Variants in MECR observed in about 807,000 individuals in gnomAD.
The protein encoded by MECR is mitochondrial trans-2-enoyl-CoA reductase.
In MECR, 37 loss-of-function variants were observed where a neutral mutation model predicts 49.1. The ratio of observed to expected loss-of-function variants is 0.75; its 90% CI spans 0.58 to 0.99. The LOEUF is 0.99. Among genes scored for constraint, MECR ranks in the 50% least tolerant of loss-of-function variants. MECR has a pLI of 0.00. For missense variants in MECR, 470 were observed against 479.6 expected (o/e 0.98, Z 0.19); for synonymous variants, 198 against 191.1 (o/e 1.04, Z -0.30).
the MECR span, among the ~76,000 whole-genome samples, chr1:29,182,683 A>G: frequency 6.6e-6 from 1 of 152,132 alleles, no homozygotes; most frequent in Non-Finnish European, 1.5e-5. Context: ...AGCTGGGACT[A>G]CAGGCGCCCG....
Position 29,216,049 on chromosome 1 carries a change from C to T in MECR, c.362G>A (p.Gly121Glu). 1.9e-6 allele frequency: 3 copies of T among 1,614,060 alleles called. No homozygotes were observed. The highest frequency in any genetic ancestry group is 1.1e-5 in the South Asian group (1 of 91,072). ...AATCACCCAGTCTCCTGGCTTCAGCCCGGTCACATTGCTGCCCACCGCTAC... is the reference window on the plus strand; with the variant it reads ...AATCACCCAGTCTCCTGGCTTCAGCTCGGTCACATTGCTGCCCACCGCTAC... ...QVVAVGSNVT[G>E]LKPGDWVIPA... The change falls in exon 3 of 10, where the codon GGG becomes GAG. Residue 121 changes from glycine (G) to glutamate (E), a missense_variant. Transcript: ENST00000263702.
Position 29,201,576 on chromosome 1 carries a change from G to T in MECR, c.756+367C>A, listed in dbSNP as rs771373685. 2.2e-6 allele frequency: 1 copy of T among 461,696 alleles called. No individual in the cohort carries two copies. Among genetic ancestry groups the T allele is most frequent in the Non-Finnish European group, 4.3e-6 (1 of 233,338 alleles). The allele number at this position is 461,696 out of a possible 1,614,324, so 28.6% of individuals were successfully genotyped here. ...TTTTGTGGAAATCATCAGATAAAAT[G>T]TAAGGCAGGTGGTTGGGAAAGGTTA... On this transcript the variant is annotated intron_variant, in intron 6 of 9. Coordinates refer to ENST00000263702, the MANE Select transcript of MECR (RefSeq NM_016011.5). This position sits in a 1 kb window ranked among gnomAD's most constrained non-coding sequence, Gnocchi z 4.3.
At chr1:29,191,239 C>T (rs924512475), downstream of MECR, among the ~76,000 whole-genome samples, 1 of 152,174 alleles carries the variant, frequency 6.6e-6, no homozygotes, top group African/African-American at 2.4e-5. Flanking sequence ...CAGGGGCCTG[C>T]TCCTTCACCA....
At chr1:29,189,554 G>C (rs1673084383), downstream of MECR, among the ~76,000 whole-genome samples, 1 of 152,230 alleles carries the variant, frequency 6.6e-6, no homozygotes, top group East Asian at 1.9e-4. Context: ...GTAAAGTAGA[G>C]AAGAGAGGAT....
rs71642262 is a variant in MECR, at chr1:29,193,613, C to T, written c.*409G>A. The stretch of plus-strand genomic sequence containing the variant: ...CAAAGCGTTTGTTCTACAGGACCCT[C>T]GTCTGTGGGCTTGTGCAGCTTGGGG... On this transcript the variant is annotated 3_prime_UTR_variant, in exon 10 of 10. Transcript: ENST00000263702. 764 of 183,314 alleles carry T rather than the reference C, an allele frequency of 4.2e-3. 2 individuals are homozygous for T. Among genetic ancestry groups the T allele is most frequent in the Non-Finnish European group, 6.2e-3 (536 of 86,116 alleles). 11.4% of individuals were successfully genotyped at this position (183,314 alleles called of 1,614,324 possible). A position where few individuals can be genotyped will look rare whatever the true frequency, so the allele number is the denominator to read the frequency against.
intron 1 of MECR, chr1:29,221,331 A>G (rs530849867): frequency 2.6e-5 from 4 of 152,432 alleles, no homozygotes; most frequent in African/African-American, 9.6e-5. Flanking sequence ...GACAGTGTCT[A>G]GCCTGGTGGG....
chr1:29,204,588 A>G (rs1027837944), intron 4 of MECR, among the ~76,000 whole-genome samples: 1 of 152,218 alleles, frequency 6.6e-6, no homozygotes, highest in Non-Finnish European at 1.5e-5. Flanking sequence ...ATCACAATAT[A>G]AAATGTAATT....
At chr1:29,178,106 G>T in the MECR span, among the ~76,000 whole-genome samples, 1 of 151,678 alleles carries the variant, frequency 6.6e-6, no homozygotes, top group East Asian at 2.0e-4. Context: ...CACCATGTTG[G>T]CCAGGCTGGT....
chr1:29,182,478 C>A, the MECR span, among the ~76,000 whole-genome samples: 86 of 151,974 alleles, frequency 5.7e-4, 1 homozygote, highest in African/African-American at 2.0e-3. Context: ...GTGTGAGAAG[C>A]GGAGAAGGCT....
At chr1:29,205,330 G>A (rs926349253) in intron 4 of MECR, among the ~76,000 whole-genome samples, 4 of 151,982 alleles carry the variant, frequency 2.6e-5, no homozygotes, top group Admixed American at 6.5e-5. Flanking sequence ...GGTCACAGGC[G>A]CTGCCACCAC....
intron 9 of MECR, among the ~76,000 whole-genome samples, chr1:29,195,433 T>C (rs995104370): frequency 1.3e-5 from 2 of 152,182 alleles, no homozygotes; most frequent in Admixed American, 6.5e-5. Context: ...AGGGAGATGA[T>C]CTGTTTACAT....
Position 29,201,224 on chromosome 1 carries a change from G to GC in MECR, c.757-636dup. On this transcript the variant is annotated intron_variant, in intron 6 of 9. Coordinates refer to ENST00000263702, the MANE Select transcript of MECR (RefSeq NM_016011.5). The surrounding 1 kb of genome is among the most constrained non-coding windows in gnomAD (Gnocchi z 4.3). ...TTTGGTGGGTTTCAGCTCCCTGTGT[G>GC]CCCCCCTTTTCAGTTCTTTGACTCA... 1 of 343,668 alleles carries GC rather than the reference G, an allele frequency of 2.9e-6. No individual in the cohort carries two copies. Among genetic ancestry groups the GC allele is most frequent in the Non-Finnish European group, 5.9e-6 (1 of 169,426 alleles). The allele number at this position is 343,668 out of a possible 1,614,324, so 21.3% of individuals were successfully genotyped here. A position where few individuals can be genotyped will look rare whatever the true frequency, so the allele number is the denominator to read the frequency against.
downstream of MECR, among the ~76,000 whole-genome samples, chr1:29,188,036 C>CA (rs57284689): frequency 0.23 from 15,250 of 66,332 alleles, 2,412 homozygotes; most frequent in Non-Finnish European, 0.29. Context: ...GACTCTGTCT[C>CA]AAAAAAAAAA....
rs762081463 is a variant in MECR, at chr1:29,216,681, T to G, written c.181A>C (p.Lys61Gln). ...HGDPAKVVELKNLELAAVRGS... is the reference protein window; with the variant it reads ...HGDPAKVVELQNLELAAVRGS... ...CTCACAGCAGCTAGCTCCAGGTTCT[T>G]GAGTCTAAGCACAAAGCCAAACGGA... Residue 61 changes from lysine (K) to glutamine (Q), a missense_variant, in exon 2 of 10, where the codon AAG becomes CAG. Coordinates refer to ENST00000263702, the MANE Select transcript of MECR (RefSeq NM_016011.5). The G allele has an allele frequency of 3.1e-6, 5 of 1,614,204 alleles. No individual in the cohort carries two copies. The highest frequency in any genetic ancestry group is 3.4e-6 in the Non-Finnish European group (4 of 1,180,034).
downstream of MECR, among the ~76,000 whole-genome samples, chr1:29,190,396 T>C (rs1574210898): frequency 6.6e-6 from 1 of 150,674 alleles, no homozygotes; most frequent in Admixed American, 6.6e-5. Context: ...TAGTCAAAGA[T>C]GGCTGGGTAA....
chr1:29,167,798 G>GCCTGC, the MECR span, among the ~76,000 whole-genome samples: 2 of 152,184 alleles, frequency 1.3e-5, no homozygotes, highest in African/African-American at 4.8e-5. Flanking sequence ...TTAGCACAGT[G>GCCTGC]CCTGGCACAG....
At chr1:29,188,197 C>CT (rs1337661265), downstream of MECR, among the ~76,000 whole-genome samples, 77 of 146,908 alleles carry the variant, frequency 5.2e-4, no homozygotes, top group African/African-American at 1.5e-3. Flanking sequence ...TTGGAGTTTA[C>CT]TTTTTTTTTT....
chr1:29,197,368 G>C (rs905856697), intron 7 of MECR, among the ~76,000 whole-genome samples: 1 of 152,144 alleles, frequency 6.6e-6, no homozygotes, highest in Non-Finnish European at 1.5e-5. Flanking sequence ...TGATGTGGAC[G>C]GTGCAGGGAA....
chr1:29,183,330 T>C, the MECR span, among the ~76,000 whole-genome samples: 3 of 152,230 alleles, frequency 2.0e-5, no homozygotes, highest in Non-Finnish European at 2.9e-5. Flanking sequence ...GTGAAGGACA[T>C]TGAAATAAGT....
Sources: gnomAD v4.1 joint callset for allele counts (sites outside exome capture counted in the v4.1 genomes callset) on GRCh38, gnomAD v4.1.1 for gene constraint, Gnocchi (gnomAD v3.1) non-coding constraint, MANE v1.5 for transcripts, NCBI Gene and HGNC (gene_info 2026-07-23, HGNC 2026-07-21) for gene names.